Variants in PCDHA1 observed in about 807,000 individuals in gnomAD.
PCDHA1 encodes the protein protocadherin alpha 1, also known as protocadherin alpha-1.
Under a neutral mutation model 61.3 loss-of-function variants are expected in PCDHA1, and 42 were observed. The ratio of observed to expected loss-of-function variants is 0.69; its 90% CI spans 0.54 to 0.89. The LOEUF is 0.89. Among genes scored for constraint, PCDHA1 ranks in the 40% least tolerant of loss-of-function variants. PCDHA1 has a pLI of 0.00. For missense variants in PCDHA1, 1,256 were observed against 1,235.3 expected (o/e 1.02, Z -0.25); for synonymous variants, 610 against 553.8 (o/e 1.10, Z -1.43).
chr5:140,918,115 A>T (rs185486488), intron 1 of PCDHA1, among the ~76,000 whole-genome samples: 1 of 152,080 alleles, frequency 6.6e-6, no homozygotes, highest in East Asian at 1.9e-4. Context: ...CACATCCTTG[A>T]TTAGCCATAT....
At chr5:140,830,665 G>A (rs1771194311) in intron 1 of PCDHA1, 1 of 389,586 alleles carries the variant, frequency 2.6e-6, no homozygotes, top group Non-Finnish European at 4.2e-6. Context: ...TAATTTAAGT[G>A]AAATTAGAAA....
intron 1 of PCDHA1, among the ~76,000 whole-genome samples, chr5:140,965,664 ATAAATG>A (rs1251201552): frequency 1.3e-5 from 2 of 152,254 alleles, no homozygotes; most frequent in Non-Finnish European, 2.9e-5. Flanking sequence ...GTCTTGGGTG[ATAAATG>A]TAAAAGATTT....
At chr5:140,828,859 C>A in intron 1 of PCDHA1, 3 of 1,614,200 alleles carry the variant, frequency 1.9e-6, no homozygotes, top group East Asian at 4.5e-5. Context: ...AAAATGCAGA[C>A]AACGGAACAA....
At chr5:140,834,627 G>T (rs1773156912) in intron 1 of PCDHA1, 4 of 1,614,188 alleles carry the variant, frequency 2.5e-6, no homozygotes, top group Non-Finnish European at 3.4e-6. Context: ...TCTGCAGAAT[G>T]GCATTTTGTT....
intron 1 of PCDHA1, among the ~76,000 whole-genome samples, chr5:140,831,520 C>CTTTTTTTT (rs35178185): frequency 4.1e-5 from 5 of 122,414 alleles, no homozygotes; most frequent in Non-Finnish European, 6.6e-5. Context: ...TGCCCCCCAC[C>CTTTTTTTT]TTTTTTTTTT....
intron 1 of PCDHA1, chr5:140,809,029 G>A: frequency 3.1e-6 from 5 of 1,613,858 alleles, no homozygotes; most frequent in African/African-American, 1.3e-5. Context: ...TGCAGCCGGG[G>A]ACTGGTGGCG....
chr5:140,834,418 G>A (rs1248577104), intron 1 of PCDHA1: 19 of 1,611,550 alleles, frequency 1.2e-5, no homozygotes, highest in Non-Finnish European at 1.6e-5. Context: ...CCAGGGGGCC[G>A]ACATCTACTG....
chr5:140,966,281 G>T, intron 1 of PCDHA1: 1 of 366,828 alleles, frequency 2.7e-6, no homozygotes, highest in Non-Finnish European at 4.8e-6. Context: ...TGGACAGTGG[G>T]GGTAGGGAGA....
At chr5:140,821,882 A>T (rs1302736713) in intron 1 of PCDHA1, 2 of 1,614,102 alleles carry the variant, frequency 1.2e-6, no homozygotes, top group Admixed American at 1.7e-5. Flanking sequence ...TCGATCCCGG[A>T]GGAAGCCAAA....
chr5:140,853,247 C>T lies in PCDHA1; in HGVS notation c.2394+64563C>T, dbSNP rs985398812. ...GTAATTTAGTCCTTCATATTAATCT[C>T]TATTCTCTCTCAGAGTACAAGCTCT... On this transcript the variant is annotated intron_variant, in intron 1 of 3. Transcript: ENST00000504120. 2 of 976,048 alleles carry T rather than the reference C, an allele frequency of 2.0e-6. 1 individual carries two copies. Among genetic ancestry groups the T allele is most frequent in the Non-Finnish European group, 2.5e-6 (2 of 809,028 alleles). 60.5% of individuals were successfully genotyped at this position (976,048 alleles called of 1,614,324 possible).
chr5:140,801,203 G>C, intron 1 of PCDHA1: 1 of 1,599,228 alleles, frequency 6.3e-7, no homozygotes, highest in South Asian at 1.1e-5. Flanking sequence ...TTGCAATGTT[G>C]TTCTCCTGGC....
In PCDHA1 at chr5:140,896,536, C is replaced by CTTT. The variant is rs34213614; in HGVS notation, c.2395-82403_2395-82401dup. 9.4e-4 allele frequency among the ~76,000 whole-genome samples: 137 copies of CTTT among 145,660 alleles called. 1 individual carries two copies. Among genetic ancestry groups the CTTT allele is most frequent in the East Asian group, 2.8e-3 (14 of 5,008 alleles). On this transcript the variant is annotated intron_variant, in intron 1 of 3. Coordinates refer to ENST00000504120, the MANE Select transcript of PCDHA1 (RefSeq NM_018900.4). ...CACACCACAAAGCCCAGCTATTTTT[C>CTTT]TTTTTTTTTTTTGTATTTTAAGTAG... is the stretch of plus-strand genomic sequence containing the variant.
chr5:140,995,372 G>A (rs1363484150), intron 3 of PCDHA1, among the ~76,000 whole-genome samples: 3 of 152,168 alleles, frequency 2.0e-5, no homozygotes, highest in African/African-American at 7.2e-5. Context: ...GATGATTCAC[G>A]TACTGGGCAG....
At chr5:140,856,056 C>T (rs2043749341) in intron 1 of PCDHA1, 1 of 1,586,796 alleles carries the variant, frequency 6.3e-7, no homozygotes, top group Non-Finnish European at 8.6e-7. Flanking sequence ...AAGATGGTTT[C>T]CAGATGTAGC....
intron 1 of PCDHA1, chr5:140,858,585 T>G: frequency 7.4e-7 from 1 of 1,345,266 alleles, no homozygotes. Flanking sequence ...GTAATATAAT[T>G]TATTCCAGGA....
chr5:140,846,690 C>A (rs1189779221), intron 1 of PCDHA1, among the ~76,000 whole-genome samples: 2 of 149,102 alleles, frequency 1.3e-5, no homozygotes, highest in African/African-American at 4.9e-5. Context: ...GCTTTCTTAG[C>A]AAGTAGAGAA....
At chr5:140,809,406 T>G (rs782496896) in intron 1 of PCDHA1, 1 of 1,614,160 alleles carries the variant, frequency 6.2e-7, no homozygotes, top group East Asian at 2.2e-5. Context: ...CCCACGCTGG[T>G]GTGCTCCAGT....
Position 140,849,328 on chromosome 5 carries a change from T to C in PCDHA1, c.2394+60644T>C, listed in dbSNP as rs2150435086. ...GACGAAGGCTTGAATGGGGATATTA[T>C]TTACTCCTTCTCCAGTGATGTTTCT... is the stretch of plus-strand genomic sequence containing the variant. On this transcript the variant is annotated intron_variant, in intron 1 of 3. Transcript: ENST00000504120. 1,235 of 1,370,890 alleles carry C rather than the reference T, an allele frequency of 9.0e-4. 32 individuals carry two copies. In the African/African-American group the frequency reaches 0.018, roughly 20 times the overall value. 84.9% of individuals were successfully genotyped at this position (1,370,890 alleles called of 1,614,324 possible). A position where few individuals can be genotyped will look rare whatever the true frequency, so the allele number is the denominator to read the frequency against.
At chr5:140,796,879 G>T (rs782493652) in intron 1 of PCDHA1, 1 of 1,614,008 alleles carries the variant, frequency 6.2e-7, no homozygotes, top group Non-Finnish European at 8.5e-7. Context: ...TGCCCTAGAC[G>T]AGGCTGACTC....
Sources: gnomAD v4.1 joint callset for allele counts (sites outside exome capture counted in the v4.1 genomes callset) on GRCh38, gnomAD v4.1.1 for gene constraint, MANE v1.5 for transcripts, NCBI Gene and HGNC (gene_info 2026-07-23, HGNC 2026-07-21) for gene names.